The following OCLN variants were observed in gnomAD, a reference collection of about 807,000 sequenced individuals.
OCLN encodes occludin, also known as phosphatase 1, regulatory subunit 115.
Under a neutral mutation model 47.9 loss-of-function variants are expected in OCLN, and 21 were observed. That is an observed-to-expected ratio of 0.44 (90% CI 0.31 to 0.63). The LOEUF (loss-of-function observed/expected upper bound fraction) is 0.63, where lower values mean the gene tolerates loss of function less well. Among genes scored for constraint, OCLN ranks in the 30% least tolerant of loss-of-function variants. The probability of loss-of-function intolerance (pLI) is 0.08; values close to 1 mark genes in which losing one functional copy is unlikely to be tolerated. For missense variants in OCLN, 360 were observed against 571.0 expected (o/e 0.63, Z 3.77); for synonymous variants, 117 against 198.4 (o/e 0.59, Z 3.45).
Position 69,509,432 on chromosome 5 carries a change from C to T in OCLN, c.342C>T (p.Tyr114=), listed in dbSNP as rs756910979. Residue 114 remains tyrosine, a synonymous_variant, in exon 3 of 9, where the codon TAC becomes TAT. Coordinates refer to ENST00000396442, the MANE Select transcript of OCLN (RefSeq NM_001205254.2). ...ATGGAGGAAGTGGCTTTGGTAGCTACGGAAGTGGCTATGGCTATGGCTATG... is the reference window on the plus strand; with the variant it reads ...ATGGAGGAAGTGGCTTTGGTAGCTATGGAAGTGGCTATGGCTATGGCTATG... ...YPYGGSGFGS[Y]GSGYGYGYGY... is the part of the protein sequence containing the mutation. 12 of 1,613,984 alleles carry T rather than the reference C, an allele frequency of 7.4e-6. No individual in the cohort carries two copies. Among genetic ancestry groups the T allele is most frequent in the East Asian group, 2.2e-5 (1 of 44,886 alleles).
At chr5:69,496,681 C>G (rs954641991) in intron 1 of OCLN, among the ~76,000 whole-genome samples, 3 of 149,424 alleles carry the variant, frequency 2.0e-5, no homozygotes, top group African/African-American at 7.4e-5. Context: ...ACTGGGATTA[C>G]AAGTGTGAGC....
chr5:69,494,665 T>C (rs1013094403), intron 1 of OCLN, among the ~76,000 whole-genome samples: 1 of 152,204 alleles, frequency 6.6e-6, no homozygotes, highest in Non-Finnish European at 1.5e-5. Context: ...TAAGACATGA[T>C]TCTCCACCTT....
chr5:69,528,800 T>C (rs1294616896), intron 4 of OCLN, among the ~76,000 whole-genome samples: 1 of 152,202 alleles, frequency 6.6e-6, no homozygotes, highest in East Asian at 1.9e-4. Flanking sequence ...TGGCACATGC[T>C]GAATACTCAA....
In OCLN at chr5:69,555,249, G is replaced by C. The variant is rs1769945775; in HGVS notation, c.*1578G>C. On this transcript the variant is annotated 3_prime_UTR_variant, in exon 9 of 9. Coordinates refer to ENST00000396442, the MANE Select transcript of OCLN (RefSeq NM_001205254.2). ...ATGCCTGGCCTAAGTGTGTGTGTGT[G>C]TGTGTGTGTGTATTTTTTTTTTTTT... 7.6e-6 allele frequency: 1 copy of C among 131,022 alleles called. No individual in the cohort carries two copies. The highest frequency in any genetic ancestry group is 1.6e-5 in the Non-Finnish European group (1 of 64,122). 8.1% of individuals were successfully genotyped at this position (131,022 alleles called of 1,614,324 possible).
intron 4 of OCLN, among the ~76,000 whole-genome samples, chr5:69,516,521 A>G (rs956274806): frequency 2.6e-5 from 4 of 151,832 alleles, no homozygotes; most frequent in South Asian, 2.1e-4. Flanking sequence ...GGGGAGAGGG[A>G]GAGGGGGGAG....
chr5:69,516,100 C>T (rs1338426731), intron 4 of OCLN, among the ~76,000 whole-genome samples: 1 of 151,684 alleles, frequency 6.6e-6, no homozygotes, highest in African/African-American at 2.4e-5. Context: ...GGGGTGGCGG[C>T]CGGGCAGAGG....
intron 4 of OCLN, among the ~76,000 whole-genome samples, chr5:69,523,716 A>G (rs1769204129): frequency 6.6e-6 from 1 of 151,970 alleles, no homozygotes; most frequent in Non-Finnish European, 1.5e-5. Context: ...TTGTATTTTT[A>G]GTAGACATGG....
intron 3 of OCLN, among the ~76,000 whole-genome samples, chr5:69,513,497 T>G (rs933924809): frequency 2.6e-5 from 4 of 152,236 alleles, no homozygotes; most frequent in African/African-American, 9.6e-5. Flanking sequence ...TTGAACAAGA[T>G]TACAAGCATG....
intron 1 of OCLN, among the ~76,000 whole-genome samples, chr5:69,502,053 G>A (rs982188458): frequency 2.6e-5 from 4 of 152,122 alleles, no homozygotes; most frequent in African/African-American, 9.7e-5. Context: ...CAAACAATTA[G>A]CCGGGCGTGG....
At chr5:69,548,387 C>T (rs1291162750) in intron 7 of OCLN, among the ~76,000 whole-genome samples, 1 of 149,138 alleles carries the variant, frequency 6.7e-6, no homozygotes, top group Non-Finnish European at 1.5e-5. Context: ...GATCTCAGCT[C>T]ACTGCAAGCT....
chr5:69,511,520 T>C (rs549840518), intron 3 of OCLN, among the ~76,000 whole-genome samples: 1 of 152,180 alleles, frequency 6.6e-6, no homozygotes, highest in Non-Finnish European at 1.5e-5. Flanking sequence ...CAAGTGACCC[T>C]CCTACCTCAG....
At chr5:69,518,860 G>C (rs1434529880) in intron 4 of OCLN, among the ~76,000 whole-genome samples, 3 of 152,166 alleles carry the variant, frequency 2.0e-5, no homozygotes, top group Non-Finnish European at 4.4e-5. Flanking sequence ...GGCTGATTCG[G>C]GGGGAAAAGA....
At chr5:69,527,051 G>A (rs969340792) in intron 4 of OCLN, among the ~76,000 whole-genome samples, 1 of 152,192 alleles carries the variant, frequency 6.6e-6, no homozygotes, top group Non-Finnish European at 1.5e-5. Context: ...GCCGAGGCGG[G>A]CGGATCACCT....
At chr5:69,495,067 A>T (rs1768252960) in intron 1 of OCLN, among the ~76,000 whole-genome samples, 2 of 152,208 alleles carry the variant, frequency 1.3e-5, no homozygotes, top group African/African-American at 4.8e-5. Flanking sequence ...TACCTTTTCA[A>T]AATAGTATAT....
intron 1 of OCLN, among the ~76,000 whole-genome samples, chr5:69,495,778 G>A (rs1768270887): frequency 6.6e-6 from 1 of 152,016 alleles, no homozygotes; most frequent in African/African-American, 2.4e-5. Context: ...AACAAGTTTT[G>A]TGTGATGGAG....
At chr5:69,511,980 G>GCCA (rs1768800206) in intron 3 of OCLN, among the ~76,000 whole-genome samples, 2 of 148,800 alleles carry the variant, frequency 1.3e-5, no homozygotes, top group Non-Finnish European at 3.0e-5. Context: ...CTGAAATTGT[G>GCCA]CCACTGCACT....
intron 4 of OCLN, among the ~76,000 whole-genome samples, chr5:69,516,984 T>G (rs190489064): frequency 6.6e-6 from 1 of 152,212 alleles, no homozygotes; most frequent in African/African-American, 2.4e-5. Flanking sequence ...CACTGGAGCA[T>G]GGGAGGTTGA....
At chr5:69,494,405 C>G (rs1267752527) in intron 1 of OCLN, among the ~76,000 whole-genome samples, 3 of 152,176 alleles carry the variant, frequency 2.0e-5, no homozygotes, top group Non-Finnish European at 2.9e-5. Context: ...AGGCTGGTCT[C>G]GAACTCCTGA....
rs1768730522 is a variant in OCLN at position 69,509,834 on chromosome 5, T to A, written c.729+15T>A. On this transcript the variant is annotated intron_variant, in intron 3 of 8. Transcript: ENST00000396442. ...ATCCCCAGGAGGTATGAGTGGTGTTTTGGGTTTTTTCTCCATCTCCTTAGC... is the reference window on the plus strand; with the variant it reads ...ATCCCCAGGAGGTATGAGTGGTGTTATGGGTTTTTTCTCCATCTCCTTAGC... The A allele has an allele frequency of 6.2e-7, 1 of 1,608,582 alleles. No homozygotes were observed.
Sources: allele counts gnomAD v4.1 joint callset (sites outside exome capture counted in the v4.1 genomes callset), GRCh38; gene constraint gnomAD v4.1.1; transcripts MANE v1.5; gene names NCBI Gene and HGNC (gene_info 2026-07-23, HGNC 2026-07-21).